CLEC4E: variants seen among roughly 807,000 people sequenced by gnomAD.
The protein encoded by CLEC4E is C-type (calcium dependent, carbohydrate-recognition domain) lectin, superfamily member 9.
Under a neutral mutation model 24.7 loss-of-function variants are expected in CLEC4E, and 21 were observed. The observed-to-expected ratio is 0.85, with a 90% confidence interval of 0.60 to 1.22. CLEC4E has a LOEUF of 1.22. Ranked by LOEUF, CLEC4E falls within the 50% of genes most tolerant of loss-of-function variation. CLEC4E has a pLI of 0.00. For missense variants in CLEC4E, 249 were observed against 254.1 expected (o/e 0.98, Z 0.14); for synonymous variants, 94 against 85.7 (o/e 1.10, Z -0.54).
Position 8,537,176 on chromosome 12 carries a change from C to T in CLEC4E, c.311G>A (p.Ser104Asn). ...FSTDTISWAL[S>N]LKNCSAMGAH... ...CCCCATGGCTGAGCAGTTCTTTAAA[C>T]TTAACGCCCAGGAAATGGTGTCAGT... The change falls in exon 4 of 6, where the codon AGT becomes AAT. Residue 104 changes from serine (S) to asparagine (N), a missense_variant. By Grantham distance (46) the Ser-to-Asn change is conservative (BLOSUM62 1). Coordinates refer to ENST00000299663, the MANE Select transcript of CLEC4E (RefSeq NM_014358.4). 1.2e-6 allele frequency: 2 copies of T among 1,614,122 alleles called. No homozygotes were observed. Among genetic ancestry groups the T allele is most frequent in the South Asian group, 1.1e-5 (1 of 91,078 alleles).
chr12:8,540,840 TC>T lies in CLEC4E; in HGVS notation c.-44del. On this transcript the variant is annotated 5_prime_UTR_variant, in exon 1 of 6. Coordinates refer to ENST00000299663, the MANE Select transcript of CLEC4E (RefSeq NM_014358.4). ...TTTTTTGTTTCTCTCTCTCTCTTTT[TC>T]TCTCCCTCCCTCTCTTTCTTTCTCC... The T allele has an allele frequency of 2.2e-5, 28 of 1,290,294 alleles. No individual in the cohort carries two copies. The highest frequency in any genetic ancestry group is 2.0e-4 in the Middle Eastern group (1 of 4,926). 79.9% of individuals were successfully genotyped at this position (1,290,294 alleles called of 1,614,324 possible). A position where few individuals can be genotyped will look rare whatever the true frequency, so the allele number is the denominator to read the frequency against.
At chr12:8,538,837 G>C (rs763656812) in intron 3 of CLEC4E, 7 of 276,156 alleles carry the variant, frequency 2.5e-5, no homozygotes, top group Non-Finnish European at 4.7e-5. Flanking sequence ...CATTTTGCTA[G>C]GACTTGCAAC....
At position 8,539,440 on chromosome 12, in the gene CLEC4E, A is replaced by C; in HGVS notation, c.131-134T>G. On this transcript the variant is annotated intron_variant, in intron 2 of 5. Transcript: ENST00000299663. ...TACAATCTGCTTTTTCTTACGACCC[A>C]GAGAAAATAGATATGTTTGCACTAC... The C allele has an allele frequency of 4.6e-6, 3 of 648,942 alleles. No individual in the cohort carries two copies. The South Asian group carries it at 5.7e-5, about 12-fold the overall frequency. 40.2% of individuals were successfully genotyped at this position (648,942 alleles called of 1,614,324 possible). A position where few individuals can be genotyped will look rare whatever the true frequency, so the allele number is the denominator to read the frequency against.
chr12:8,534,884 A>G, intron 5 of CLEC4E, 75 bp from the exon 6 acceptor site: 1 of 1,261,312 alleles, frequency 7.9e-7, no homozygotes, highest in Non-Finnish European at 1.1e-6. Context: ...TAGGCAAATT[A>G]CATTTGTGTT....
At position 8,533,837 on chromosome 12, in the gene CLEC4E, A is replaced by G. The variant is rs10841845; in HGVS notation, c.*801T>C. ...AAAAAGCCTTTAACATGTACCCCCGAAAGCTAAAATAAAAGTTAAGAAATA... is the reference window on the plus strand; with the variant it reads ...AAAAAGCCTTTAACATGTACCCCCGGAAGCTAAAATAAAAGTTAAGAAATA... On this transcript the variant is annotated 3_prime_UTR_variant, in exon 6 of 6. Coordinates refer to ENST00000299663, the MANE Select transcript of CLEC4E (RefSeq NM_014358.4). 0.29 allele frequency: 43,641 copies of G among 152,126 alleles called. 6,859 individuals are homozygous for G. Among genetic ancestry groups the G allele is most frequent in the East Asian group, 0.48 (2,486 of 5,174 alleles). 9.4% of individuals were successfully genotyped at this position (152,126 alleles called of 1,614,324 possible). A position where few individuals can be genotyped will look rare whatever the true frequency, so the allele number is the denominator to read the frequency against.
At chr12:8,539,756 G>C (rs1940671252) in intron 2 of CLEC4E, 99 bp downstream of exon 2, 3 of 740,582 alleles carry the variant, frequency 4.1e-6, no homozygotes, top group Non-Finnish European at 7.0e-6. Context: ...GAAATAGAAA[G>C]ACCCTTTGAG....
At position 8,537,356 on chromosome 12, in the gene CLEC4E, G is replaced by C. The variant is rs144776265; in HGVS notation, c.221-90C>G. On this transcript the variant is annotated intron_variant, in intron 3 of 5. Transcript: ENST00000299663. ...CTGGCCCCATGGAGTCCTCATTTAA[G>C]TCAGAAGCCTTGGAATCACTTGTTC... 57 of 1,222,246 alleles carry C rather than the reference G, an allele frequency of 4.7e-5. No individual in the cohort carries two copies. The East Asian group carries it at 1.4e-3, about 29-fold the overall frequency. The allele number at this position is 1,222,246 out of a possible 1,614,324, so 75.7% of individuals were successfully genotyped here.
chr12:8,535,415 A>T (rs1463924933), intron 5 of CLEC4E, among the ~76,000 whole-genome samples: 5 of 152,230 alleles, frequency 3.3e-5, no homozygotes, highest in African/African-American at 4.8e-5. Flanking sequence ...AAAAAAAATT[A>T]AAAATGCTAT....
Position 8,540,833 on chromosome 12 carries a change from CTCTT to C in CLEC4E, c.-40_-37del. On this transcript the variant is annotated 5_prime_UTR_variant, in exon 1 of 6. Coordinates refer to ENST00000299663, the MANE Select transcript of CLEC4E (RefSeq NM_014358.4). ...TCTTTGGTTTTTTGTTTCTCTCTCT[CTCTT>C]TTTCTCTCCCTCCCTCTCTTTCTTT... The C allele has an allele frequency of 2.2e-6, 3 of 1,333,376 alleles. No individual in the cohort carries two copies. Among genetic ancestry groups the C allele is most frequent in the Non-Finnish European group, 3.2e-6 (3 of 924,962 alleles). 82.6% of individuals were successfully genotyped at this position (1,333,376 alleles called of 1,614,324 possible).
At chr12:8,539,608 C>T (rs1940667417) in intron 2 of CLEC4E, among the ~76,000 whole-genome samples, 1 of 152,068 alleles carries the variant, frequency 6.6e-6, no homozygotes, top group Non-Finnish European at 1.5e-5. Context: ...GAGGAGGATT[C>T]AGGACTGCCA....
At chr12:8,540,397 CTG>C (rs1940682330) in intron 1 of CLEC4E, among the ~76,000 whole-genome samples, 2 of 122,982 alleles carry the variant, frequency 1.6e-5, no homozygotes, top group South Asian at 4.9e-4. Flanking sequence ...TTTTTTTTTT[CTG>C]TGTCTCACTT....
At position 8,539,277 on chromosome 12, in the gene CLEC4E, C is replaced by T. The variant is rs1349050383; in HGVS notation, c.160G>A (p.Glu54Lys). The stretch of plus-strand genomic sequence containing the variant: ...TTCTCAGGTAGCTGAAACTTTTTCT[C>T]ATCACAGGTTTGAAAGATGCGAAAT... Reference protein sequence around the residue: ...VTFRIFQTCDEKKFQLPENFT... With the variant: ...VTFRIFQTCDKKKFQLPENFT... Residue 54 changes from glutamate to lysine, a missense_variant, in exon 3 of 6, where the codon GAG becomes AAG. By Grantham distance (56) the Glu-to-Lys change is moderately conservative. Transcript: ENST00000299663. 1.2e-6 allele frequency: 2 copies of T among 1,612,846 alleles called. No individual in the cohort carries two copies. The highest frequency in any genetic ancestry group is 1.7e-5 in the Admixed American group (1 of 59,922).
chr12:8,534,689 C>A lies in CLEC4E; in HGVS notation c.609G>T (p.Arg203=). Reference sequence around the variant, plus strand: ...GATTTATTCCTACCATTTCACAAATCCGAAAATAATTGAGGAAACAGGTTA... The same window carrying A: ...GATTTATTCCTACCATTTCACAAATACGAAAATAATTGAGGAAACAGGTTA... The part of the protein sequence containing the change: ...NDVTCFLNYF[R]ICEMVGINPL... Residue 203 remains arginine (R), a synonymous_variant, in exon 6 of 6, where the codon CGG becomes CGT. Coordinates refer to ENST00000299663, the MANE Select transcript of CLEC4E (RefSeq NM_014358.4). 6.2e-7 allele frequency: 1 copy of A among 1,613,852 alleles called. No individual in the cohort carries two copies.
chr12:8,535,287 C>T (rs986897838), intron 5 of CLEC4E, among the ~76,000 whole-genome samples: 2 of 151,856 alleles, frequency 1.3e-5, no homozygotes, highest in Non-Finnish European at 2.9e-5. Context: ...TAGAACTGCT[C>T]ATTAGCTAAG....
chr12:8,540,384 C>CT lies in CLEC4E; in HGVS notation c.37+376dup, dbSNP rs747207313. 9.8e-3 allele frequency among the ~76,000 whole-genome samples: 1,423 copies of CT among 144,742 alleles called. 21 individuals are homozygous for CT. The highest frequency in any genetic ancestry group is 0.031 in the African/African-American group (1,248 of 39,646). The allele number at this position is 144,742 out of a possible 152,430, so 95.0% of individuals were successfully genotyped here. A position where few individuals can be genotyped will look rare whatever the true frequency, so the allele number is the denominator to read the frequency against. On this transcript the variant is annotated intron_variant, in intron 1 of 5. Coordinates refer to ENST00000299663, the MANE Select transcript of CLEC4E (RefSeq NM_014358.4). The stretch of plus-strand genomic sequence containing the variant: ...TTGCTTTTCTTGTCCTTCTCCTGAT[C>CT]TTTTTTTTTTTTCTGTGTCTCACTT...
chr12:8,539,104 G>T, intron 3 of CLEC4E, 113 bp downstream of exon 3: 1 of 691,896 alleles, frequency 1.4e-6, no homozygotes, highest in Non-Finnish European at 2.5e-6. Flanking sequence ...TTTACATTTT[G>T]CTTTTGAAAA....
intron 4 of CLEC4E, among the ~76,000 whole-genome samples, chr12:8,536,506 C>T (rs1249729829): frequency 1.3e-5 from 2 of 151,918 alleles, no homozygotes; most frequent in South Asian, 2.1e-4. Context: ...TGCAGTGAGC[C>T]GAGATTGCGC....
Position 8,534,761 on chromosome 12 carries a change from A to C in CLEC4E, c.537T>G (p.Cys179Trp). Residue 179 changes from cysteine to tryptophan, a missense_variant, in exon 6 of 6, where the codon TGT becomes TGG. Physicochemically the swap from Cys to Trp is radical, Grantham distance 215 (BLOSUM62 -2). Coordinates refer to ENST00000299663, the MANE Select transcript of CLEC4E (RefSeq NM_014358.4). ...GGTTTGAAGAGTCTCTCATGGTGGCACAGTCCTCCAGGGTAGCTATGTTGT... is the reference window on the plus strand; with the variant it reads ...GGTTTGAAGAGTCTCTCATGGTGGCCCAGTCCTCCAGGGTAGCTATGTTGT... ...EPNNIATLEDCATMRDSSNPR... is the reference protein window; with the variant it reads ...EPNNIATLEDWATMRDSSNPR... 6.2e-7 allele frequency: 1 copy of C among 1,614,164 alleles called. No individual in the cohort carries two copies. Among genetic ancestry groups the C allele is most frequent in the Non-Finnish European group, 8.5e-7 (1 of 1,180,020 alleles).
rs1236173379 is a variant in CLEC4E at position 8,539,904 on chromosome 12, A to G, written c.81T>C (p.Ala27=). Residue 27 remains alanine (A), a synonymous_variant, in exon 2 of 6, where the codon GCT becomes GCC. Coordinates refer to ENST00000299663, the MANE Select transcript of CLEC4E (RefSeq NM_014358.4). Reference sequence around the variant, plus strand: ...CACTGAGAAATAGGATGGGGATCCCAGCAACAGTCCATAAGAACATTTGGG... The same window carrying G: ...CACTGAGAAATAGGATGGGGATCCCGGCAACAGTCCATAAGAACATTTGGG... ...FSSQMFLWTV[A]GIPILFLSAC... The G allele has an allele frequency of 6.2e-7, 1 of 1,612,822 alleles. No homozygotes were observed. The highest frequency in any genetic ancestry group is 8.5e-7 in the Non-Finnish European group (1 of 1,178,808).
Sources: allele counts gnomAD v4.1 joint callset (sites outside exome capture counted in the v4.1 genomes callset), GRCh38; gene constraint gnomAD v4.1.1; transcripts MANE v1.5; gene names NCBI Gene and HGNC (gene_info 2026-07-23, HGNC 2026-07-21).